Variants in PCSK2 observed in about 807,000 individuals in gnomAD.
The protein encoded by PCSK2 is neuroendocrine convertase 2.
A neutral mutation model predicts 69.7 loss-of-function variants in PCSK2; 14 were observed. That is an observed-to-expected ratio of 0.20 (90% CI 0.13 to 0.31). The LOEUF (loss-of-function observed/expected upper bound fraction) is 0.31, where lower values mean the gene tolerates loss of function less well. Ranked by LOEUF, PCSK2 falls within the 10% of genes least tolerant of loss-of-function variation. The pLI is 1.00. For missense variants in PCSK2, 544 were observed against 842.5 expected, an observed-to-expected ratio of 0.65 and a Z score of 4.39; for synonymous variants, 307 against 320.7, an observed-to-expected ratio of 0.96 and a Z score of 0.46.
intron 2 of PCSK2, among the ~76,000 whole-genome samples, chr20:17,355,008 G>A (rs1318010399): frequency 3.3e-5 from 5 of 152,194 alleles, no homozygotes; most frequent in Admixed American, 6.5e-5. Flanking sequence ...TAAACTGACA[G>A]ACTCAGAAAG....
intron 1 of PCSK2, among the ~76,000 whole-genome samples, chr20:17,251,335 G>A (rs558884028): frequency 1.3e-5 from 2 of 152,212 alleles, no homozygotes; most frequent in Admixed American, 1.3e-4. Context: ...ATTGAGCCTG[G>A]AATTATCACA....
At chr20:17,297,355 C>G (rs1988928038) in intron 2 of PCSK2, among the ~76,000 whole-genome samples, 2 of 152,210 alleles carry the variant, frequency 1.3e-5, no homozygotes. Flanking sequence ...AGTTTGGTAA[C>G]TCCATTGAGG....
chr20:17,270,683 T>A (rs1395043961), intron 2 of PCSK2, among the ~76,000 whole-genome samples: 1 of 152,138 alleles, frequency 6.6e-6, no homozygotes. Flanking sequence ...GTTTAATGGA[T>A]GTTAATTTTT....
chr20:17,319,042 A>T (rs768385681), intron 2 of PCSK2, among the ~76,000 whole-genome samples: 4 of 152,252 alleles, frequency 2.6e-5, no homozygotes, highest in Non-Finnish European at 4.4e-5. Context: ...ATCAGATAGG[A>T]TGTAATCAAC....
At chr20:17,237,195 G>A (rs1216709887) in intron 1 of PCSK2, among the ~76,000 whole-genome samples, 1 of 152,184 alleles carries the variant, frequency 6.6e-6, no homozygotes, top group Non-Finnish European at 1.5e-5. Context: ...AGAGAGCTAT[G>A]GTTGGTGAGT....
At chr20:17,296,028 T>C (rs996243202) in intron 2 of PCSK2, among the ~76,000 whole-genome samples, 9 of 152,098 alleles carry the variant, frequency 5.9e-5, no homozygotes, top group African/African-American at 2.2e-4. Context: ...AAAGTTATAG[T>C]TCCATAACCT....
chr20:17,410,718 A>G (rs1247573055), intron 6 of PCSK2, among the ~76,000 whole-genome samples: 1 of 152,224 alleles, frequency 6.6e-6, no homozygotes, highest in Non-Finnish European at 1.5e-5. Flanking sequence ...CCTAGATGGT[A>G]GCATATATTT....
intron 2 of PCSK2, among the ~76,000 whole-genome samples, chr20:17,346,723 C>T (rs111683696): frequency 1.4e-4 from 21 of 152,270 alleles, no homozygotes; most frequent in African/African-American, 4.8e-4. Context: ...CCATTCCTGC[C>T]GTAATATCTG....
intron 5 of PCSK2, among the ~76,000 whole-genome samples, chr20:17,401,945 T>G (rs946187864): frequency 2.0e-5 from 3 of 152,178 alleles, no homozygotes; most frequent in Non-Finnish European, 2.9e-5. Flanking sequence ...ATACATCAGG[T>G]CAGCTCCAGG....
intron 2 of PCSK2, among the ~76,000 whole-genome samples, chr20:17,353,304 T>C (rs369274780): frequency 7.7e-6 from 1 of 130,610 alleles, no homozygotes; most frequent in Non-Finnish European, 1.7e-5. Context: ...CCAAAAAAAA[T>C]ACAAAAAAAA....
intron 2 of PCSK2, among the ~76,000 whole-genome samples, chr20:17,348,979 C>T (rs1371288632): frequency 1.3e-5 from 2 of 152,200 alleles, no homozygotes; most frequent in Non-Finnish European, 2.9e-5. Context: ...GGACCGTTAA[C>T]CAGCCACTTG....
intron 5 of PCSK2, among the ~76,000 whole-genome samples, chr20:17,404,145 C>T (rs1022671838): frequency 6.6e-6 from 1 of 152,180 alleles, no homozygotes; most frequent in Non-Finnish European, 1.5e-5. Flanking sequence ...ACCCTAGTTG[C>T]TCCCTGTGGG....
In PCSK2 at chr20:17,228,949, C is replaced by T. The variant is rs563370582; in HGVS notation, c.177+1467C>T. Reference sequence around the variant, plus strand: ...AGAAGGCGCCGGCGGAGGGAGCACCCCGCTGTGGTTTTGGCCCGTGGCCTG... The same window carrying T: ...AGAAGGCGCCGGCGGAGGGAGCACCTCGCTGTGGTTTTGGCCCGTGGCCTG... On this transcript the variant is annotated intron_variant, in intron 1 of 11. Transcript: ENST00000262545. 2.6e-4 allele frequency among the ~76,000 whole-genome samples: 39 copies of T among 152,256 alleles called. No homozygotes were observed. In the South Asian group the frequency reaches 6.6e-3, roughly 26 times the overall value.
At chr20:17,341,924 C>T (rs1990520905) in intron 2 of PCSK2, among the ~76,000 whole-genome samples, 1 of 152,172 alleles carries the variant, frequency 6.6e-6, no homozygotes. Flanking sequence ...TGCATTTTTG[C>T]ATCTTTCCAA....
At chr20:17,227,562 T>C (rs1985975857) in intron 1 of PCSK2, 80 bp downstream of exon 1, 2 of 1,112,060 alleles carry the variant, frequency 1.8e-6, no homozygotes. Flanking sequence ...CATTGCAGAT[T>C]TGCAAGTTTT....
intron 2 of PCSK2, among the ~76,000 whole-genome samples, chr20:17,297,547 G>T (rs1988934910): frequency 6.6e-6 from 1 of 152,222 alleles, no homozygotes; most frequent in East Asian, 1.9e-4. Context: ...TGCAGGAGGG[G>T]CTCAGGGGGT....
intron 1 of PCSK2, among the ~76,000 whole-genome samples, chr20:17,230,981 T>A (rs113328613): frequency 6.6e-6 from 1 of 152,198 alleles, no homozygotes; most frequent in Non-Finnish European, 1.5e-5. Flanking sequence ...TTTACAGTAA[T>A]GACAAAAGCA....
At chr20:17,455,285 A>G (rs2032898783) in intron 9 of PCSK2, among the ~76,000 whole-genome samples, 1 of 152,156 alleles carries the variant, frequency 6.6e-6, no homozygotes, top group South Asian at 2.1e-4. Context: ...CCTCAAAATA[A>G]TAAGCTCTCT....
chr20:17,419,867 G>A (rs1325774470), intron 6 of PCSK2, among the ~76,000 whole-genome samples: 3 of 152,282 alleles, frequency 2.0e-5, no homozygotes, highest in East Asian at 1.9e-4. Context: ...TGCCATTGAC[G>A]ATATTTATGA....
Sources: allele counts gnomAD v4.1 joint callset (sites outside exome capture counted in the v4.1 genomes callset), GRCh38; gene constraint gnomAD v4.1.1; transcripts MANE v1.5; gene names NCBI Gene and HGNC (gene_info 2026-07-23, HGNC 2026-07-21).